OR51B5: variants seen among roughly 807,000 people sequenced by gnomAD.
The protein encoded by OR51B5 is olfactory receptor family 51 subfamily B member 5.
For synonymous variants in OR51B5, 186 were observed against 144.8 expected (o/e 1.28, Z -2.04); for missense variants, 456 against 374.6 (o/e 1.22, Z -1.79).
intron 1 of OR51B5, among the ~76,000 whole-genome samples, chr11:5,444,192 A>C (rs1283700442): frequency 3.9e-5 from 6 of 152,204 alleles, no homozygotes; most frequent in Admixed American, 3.9e-4. Flanking sequence ...ATATGCTGAC[A>C]TACACAATAC....
chr11:5,372,530 T>A (rs150374418), intron 1 of OR51B5, among the ~76,000 whole-genome samples: 1 of 152,328 alleles, frequency 6.6e-6, no homozygotes, highest in East Asian at 1.9e-4. Flanking sequence ...AGTGCACCTT[T>A]TCATATGCCT....
chr11:5,384,823 G>A (rs868419398), intron 1 of OR51B5, among the ~76,000 whole-genome samples: 3 of 152,216 alleles, frequency 2.0e-5, no homozygotes, highest in South Asian at 2.1e-4. Context: ...TATGGCCTTC[G>A]CCTTCCAAAA....
chr11:5,371,834 T>C (rs1849452993), intron 1 of OR51B5, among the ~76,000 whole-genome samples: 1 of 152,184 alleles, frequency 6.6e-6, no homozygotes, highest in Non-Finnish European at 1.5e-5. Flanking sequence ...CTTCATGCCA[T>C]ACACTAGATC....
At chr11:5,368,920 G>T (rs17356445) in intron 1 of OR51B5, among the ~76,000 whole-genome samples, 1 of 151,858 alleles carries the variant, frequency 6.6e-6, no homozygotes, top group Admixed American at 6.6e-5. Context: ...CTCTGTTCAG[G>T]AACTTTTTCT....
chr11:5,454,858 G>A (rs1056739411), intron 1 of OR51B5: 8 of 155,802 alleles, frequency 5.1e-5, no homozygotes, highest in African/African-American at 1.9e-4. Context: ...GCCTAACACA[G>A]ATAATATGTG....
At chr11:5,450,110 C>T (rs1850821034) in intron 1 of OR51B5, among the ~76,000 whole-genome samples, 1 of 152,090 alleles carries the variant, frequency 6.6e-6, no homozygotes, top group African/African-American at 2.4e-5. Flanking sequence ...AGACATACAC[C>T]AGGCGTGGTG....
chr11:5,385,106 G>A lies in OR51B5; in HGVS notation n.85-38196C>T, dbSNP rs75149603. 2.9e-3 allele frequency among the ~76,000 whole-genome samples: 444 copies of A among 152,194 alleles called. 1 individual carries two copies. Among genetic ancestry groups the A allele is most frequent in the African/African-American group, 0.01 (419 of 41,526 alleles). ...TTGTATACTGAAAATCTCTTTTCAG[G>A]AATTTTCTCCTGTGATCTAAGATGA... On this transcript the variant is annotated intron_variant and non_coding_transcript_variant, in intron 1 of 4. Transcript: ENST00000415970.
At chr11:5,429,737 G>C (rs970117061) in intron 1 of OR51B5, among the ~76,000 whole-genome samples, 2 of 152,098 alleles carry the variant, frequency 1.3e-5, no homozygotes, top group South Asian at 4.1e-4. Flanking sequence ...AGCCACAGAA[G>C]CATGAAAGGA....
At chr11:5,402,204 A>G (rs1024378827) in intron 1 of OR51B5, among the ~76,000 whole-genome samples, 4 of 152,018 alleles carry the variant, frequency 2.6e-5, no homozygotes, top group African/African-American at 9.7e-5. Context: ...TAGTAGAGAC[A>G]GAGTTTCGCC....
intron 1 of OR51B5, among the ~76,000 whole-genome samples, chr11:5,363,267 A>T (rs760229467): frequency 0.15 from 15,426 of 102,244 alleles, 1,067 homozygotes; most frequent in Non-Finnish European, 0.19. Context: ...ACACACACAC[A>T]CACACACACA....
At chr11:5,427,602 C>T (rs1358178037) in intron 1 of OR51B5, among the ~76,000 whole-genome samples, 5 of 151,994 alleles carry the variant, frequency 3.3e-5, no homozygotes, top group African/African-American at 7.2e-5. Flanking sequence ...CTAGAAGTGA[C>T]GACAATCCAG....
chr11:5,381,111 C>G (rs1849602428), intron 1 of OR51B5, among the ~76,000 whole-genome samples: 1 of 116,846 alleles, frequency 8.6e-6, no homozygotes, highest in African/African-American at 2.8e-5. Context: ...GCTTTCCACC[C>G]CACCATACCC....
intron 1 of OR51B5, among the ~76,000 whole-genome samples, chr11:5,396,769 A>G (rs1422401164): frequency 6.6e-6 from 1 of 152,068 alleles, no homozygotes; most frequent in Non-Finnish European, 1.5e-5. Context: ...CAAAAGAACA[A>G]AGCTGGAGGC....
At chr11:5,343,929 C>A (rs890124712), upstream of OR51B5, among the ~76,000 whole-genome samples, 9 of 152,188 alleles carry the variant, frequency 5.9e-5, no homozygotes, top group African/African-American at 2.2e-4. Context: ...GGTCTACCAC[C>A]TAAACCTGTA....
chr11:5,462,113 GAAT>G (rs1443435166), intron 1 of OR51B5, among the ~76,000 whole-genome samples: 2 of 152,158 alleles, frequency 1.3e-5, no homozygotes, highest in Non-Finnish European at 2.9e-5. Context: ...AAAAATATGT[GAAT>G]AATAAAGTAA....
intron 1 of OR51B5, among the ~76,000 whole-genome samples, chr11:5,350,229 C>A (rs955796073): frequency 3.3e-5 from 5 of 152,058 alleles, no homozygotes; most frequent in African/African-American, 1.2e-4. Flanking sequence ...GTTATGTAAC[C>A]AAATCTCAAG....
chr11:5,471,242 G>C (rs994989527), intron 1 of OR51B5, among the ~76,000 whole-genome samples: 2 of 152,112 alleles, frequency 1.3e-5, no homozygotes, highest in African/African-American at 2.4e-5. Flanking sequence ...AACTGTCTGT[G>C]TTTCTTCTCA....
chr11:5,500,459 A>C lies in OR51B5; in HGVS notation n.84+5110T>G, dbSNP rs548323454. ...TGTCGGTACCAAAATGGAGTCATTC[A>C]TGTCAAAATCAAACTAAATGGAGCC... On this transcript the variant is annotated intron_variant and non_coding_transcript_variant, in intron 1 of 4. Coordinates refer to the OR51B5 transcript ENST00000415970. Among the ~76,000 whole-genome samples the C allele has an allele frequency of 7.4e-5, 11 of 149,404 alleles. No individual in the cohort carries two copies. The South Asian group carries it at 2.1e-3, about 28-fold the overall frequency.
At chr11:5,354,703 CA>C (rs1353062644) in intron 1 of OR51B5, 6 of 170,318 alleles carry the variant, frequency 3.5e-5, no homozygotes, top group African/African-American at 1.4e-4. Context: ...TGGCCAACAT[CA>C]AGAGGGCATC....
Sources: gnomAD v4.1 joint callset for allele counts (sites outside exome capture counted in the v4.1 genomes callset) on GRCh38, gnomAD v4.1.1 for gene constraint, MANE v1.5 for transcripts, NCBI Gene and HGNC (gene_info 2026-07-23, HGNC 2026-07-21) for gene names.